The following ADPRHL1 variants were observed in gnomAD, a reference collection of about 807,000 sequenced individuals.
ADPRHL1 encodes inactive ADP-ribosyltransferase ARH2.
Under a neutral mutation model 44.1 loss-of-function variants are expected in ADPRHL1, and 43 were observed. The observed-to-expected ratio is 0.98, with a 90% CI of 0.76 to 1.26. The LOEUF is 1.26. ADPRHL1 is among the 50% of genes most tolerant of loss of function. The pLI is 0.00. For synonymous variants in ADPRHL1, 878 were observed against 1,017.4 expected (o/e 0.86, Z 2.61); for missense variants, 2,022 against 2,496.9 (o/e 0.81, Z 4.05).
At chr13:113,412,271 A>G (rs192742053) in intron 7 of ADPRHL1, among the ~76,000 whole-genome samples, 27 of 152,200 alleles carry the variant, frequency 1.8e-4, no homozygotes, top group South Asian at 6.2e-4. Flanking sequence ...TCCGCCTCCC[A>G]GGTTCACAGC....
rs551066183 is a variant in ADPRHL1, at chr13:113,453,069, C to T, written c.214+155G>A. Among the ~76,000 whole-genome samples the T allele has an allele frequency of 7.2e-5, 11 of 152,310 alleles. No homozygotes were observed. The highest frequency in any genetic ancestry group is 5.2e-4 in the Admixed American group (8 of 15,292). ...TGCCGCATATCAAATTTGAGGGACA[C>T]TCAGATTAAATTGCCACTTTTAGCA... On this transcript the variant is annotated intron_variant, in intron 1 of 7. Coordinates refer to ENST00000612156, the MANE Select transcript of ADPRHL1 (RefSeq NM_001394807.1). The surrounding 1 kb of genome is among the most constrained non-coding windows in gnomAD (Gnocchi z 5.4).
intron 3 of ADPRHL1, 23 bp from the exon 4 acceptor site, chr13:113,429,115 G>A (rs551989043): frequency 6.7e-5 from 99 of 1,479,400 alleles, no homozygotes; most frequent in South Asian, 6.0e-4. Flanking sequence ...GAAGAGAGAG[G>A]GGGCACCATC....
chr13:113,451,013 T>C (rs374268958), intron 1 of ADPRHL1, among the ~76,000 whole-genome samples: 18 of 150,894 alleles, frequency 1.2e-4, no homozygotes, highest in African/African-American at 3.7e-4. Context: ...CTTTTGCTAC[T>C]GCTGGACCAC....
chr13:113,427,435 G>C (rs183867124), intron 4 of ADPRHL1, among the ~76,000 whole-genome samples: 9 of 152,346 alleles, frequency 5.9e-5, no homozygotes, highest in African/African-American at 2.2e-4. Context: ...CTCCATGTTA[G>C]TCAGGCTGAC....
At chr13:113,413,998 G>A (rs1209849419) in intron 7 of ADPRHL1, among the ~76,000 whole-genome samples, 3 of 152,246 alleles carry the variant, frequency 2.0e-5, no homozygotes, top group Non-Finnish European at 4.4e-5. Context: ...AGCCCCTGTT[G>A]GCAGGTTCTT....
intron 4 of ADPRHL1, among the ~76,000 whole-genome samples, chr13:113,426,035 C>T (rs370169443): frequency 2.6e-5 from 4 of 152,236 alleles, no homozygotes; most frequent in African/African-American, 7.2e-5. Flanking sequence ...AAAGCATTCT[C>T]GTTACATTGT....
Position 113,407,623 on chromosome 13 carries a change from C to G in ADPRHL1, c.1659G>C (p.Glu553Asp). 1 of 1,232,124 alleles carries G rather than the reference C, an allele frequency of 8.1e-7. No individual in the cohort carries two copies. The highest frequency in any genetic ancestry group is 1.0e-6 in the Non-Finnish European group (1 of 988,022). 76.3% of individuals were successfully genotyped at this position (1,232,124 alleles called of 1,614,324 possible). Residue 553 changes from glutamate (E) to aspartate (D), a missense_variant, in exon 8 of 8, where the codon GAG (glutamate) becomes GAC (aspartate). Coordinates refer to ENST00000612156, the MANE Select transcript of ADPRHL1 (RefSeq NM_001394807.1). Reference protein sequence around the residue: ...GKSSVLSKLREKFEQNSCLCS... With the variant: ...GKSSVLSKLRDKFEQNSCLCS... ...ACAGGCAGCTGTTCTGCTCGAACTT[C>G]TCCCGCAGCTTGGACAGCACCGAGC...
At chr13:113,419,295 T>G (rs1174244428) in intron 7 of ADPRHL1, among the ~76,000 whole-genome samples, 1 of 141,826 alleles carries the variant, frequency 7.1e-6, no homozygotes, top group Non-Finnish European at 1.5e-5. Flanking sequence ...TTTTTTTTTT[T>G]TTGTAGAGAT....
At chr13:113,446,435 G>A (rs942552396) in intron 1 of ADPRHL1, among the ~76,000 whole-genome samples, 7 of 152,330 alleles carry the variant, frequency 4.6e-5, no homozygotes, top group African/African-American at 1.7e-4. Flanking sequence ...GCCCAGCAGA[G>A]GCCTCTGAAG....
intron 7 of ADPRHL1, among the ~76,000 whole-genome samples, chr13:113,421,026 C>T (rs1346014063): frequency 1.4e-5 from 2 of 141,424 alleles, no homozygotes; most frequent in Admixed American, 1.4e-4. Flanking sequence ...TGGGACACCC[C>T]TACCCCCCGC....
Position 113,407,511 on chromosome 13 carries a change from G to C in ADPRHL1, c.1771C>G (p.Arg591Gly). Residue 591 changes from arginine (R) to glycine (G), a missense_variant, in exon 8 of 8, where the codon CGC (arginine) becomes GGC (glycine). This residue lies in a region of ADPRHL1 where 1,221 missense variants were observed against 1,517.8 expected (regional missense o/e 0.80). Coordinates refer to ENST00000612156, the MANE Select transcript of ADPRHL1 (RefSeq NM_001394807.1). ...GCCATGGTGGCCGTGTGCAGCACGCGCACCTCCGGCCGGTGCATCCTCTTC... is the reference window on the plus strand; with the variant it reads ...GCCATGGTGGCCGTGTGCAGCACGCCCACCTCCGGCCGGTGCATCCTCTTC... ...QRKRMHRPEV[R>G]VLHTATMAST... 1 of 1,232,164 alleles carries C rather than the reference G, an allele frequency of 8.1e-7. No homozygotes were observed. The highest frequency in any genetic ancestry group is 1.0e-6 in the Non-Finnish European group (1 of 988,090). 76.3% of individuals were successfully genotyped at this position (1,232,164 alleles called of 1,614,324 possible).
chr13:113,428,841 C>T, intron 4 of ADPRHL1, 111 bp downstream of exon 4: 3 of 1,516,208 alleles, frequency 2.0e-6, no homozygotes, highest in Non-Finnish European at 1.8e-6. Context: ...ACAGGGCCCT[C>T]CCAGTTCCAT....
Position 113,440,748 on chromosome 13 carries a change from C to G in ADPRHL1, c.379+3677G>C, listed in dbSNP as rs186658452. On this transcript the variant is annotated intron_variant, in intron 2 of 7. Coordinates refer to ENST00000612156, the MANE Select transcript of ADPRHL1 (RefSeq NM_001394807.1). The stretch of plus-strand genomic sequence containing the variant: ...GGGATCACAGGTGTGAGCCACTGCA[C>G]CTGGTCTATTTTTCTTTTTTAGAAG... Among the ~76,000 whole-genome samples the G allele has an allele frequency of 2.2e-3, 335 of 152,228 alleles. 1 individual carries two copies. Among genetic ancestry groups the G allele is most frequent in the Non-Finnish European group, 3.3e-3 (227 of 68,002 alleles).
intron 2 of ADPRHL1, among the ~76,000 whole-genome samples, chr13:113,437,429 A>T (rs1380533704): frequency 6.6e-6 from 1 of 152,142 alleles, no homozygotes. Context: ...TGCAGAGTGA[A>T]TGCCTCTGTT....
chr13:113,415,884 T>A (rs574603703), intron 7 of ADPRHL1, among the ~76,000 whole-genome samples: 21 of 152,180 alleles, frequency 1.4e-4, no homozygotes, highest in African/African-American at 4.6e-4. Flanking sequence ...AAATCTATAC[T>A]TGATCTTAGC....
rs2139591164 is a variant in ADPRHL1 at position 113,404,438 on chromosome 13, T to C, written c.4844A>G (p.Gln1615Arg). The C allele has an allele frequency of 1.5e-6, 2 of 1,320,740 alleles. No individual in the cohort carries two copies. Among genetic ancestry groups the C allele is most frequent in the Non-Finnish European group, 1.9e-6 (2 of 1,042,782 alleles). The allele number at this position is 1,320,740 out of a possible 1,614,324, so 81.8% of individuals were successfully genotyped here. The change falls in exon 8 of 8, where the codon CAG (glutamine) becomes CGG (arginine). Residue 1615 changes from glutamine (Q) to arginine (R), a missense_variant. Physicochemically the swap from Gln to Arg is conservative, Grantham distance 43. Transcript: ENST00000612156. ...QKWAQEEAQG[Q>R]AQWQTQIKAQ... ...CTTTATCTGGGTCTGCCACTGGGCC[T>C]GTCCCTGAGCCTCTTCCTGGGCCCA... is the stretch of plus-strand genomic sequence containing the variant.
rs1326516125 is a variant in ADPRHL1 at position 113,424,365 on chromosome 13, T to TG, written c.775-17dup. On this transcript the variant is annotated splice_polypyrimidine_tract_variant and intron_variant, in intron 5 of 7. Coordinates refer to ENST00000612156, the MANE Select transcript of ADPRHL1 (RefSeq NM_001394807.1). ...TCCTGTAGGTCTGACAAGAGAGCCGTGGGTCGGGGCGTGTGCCCAAGTGGA... is the reference window on the plus strand; with the variant it reads ...TCCTGTAGGTCTGACAAGAGAGCCGTGGGGTCGGGGCGTGTGCCCAAGTGGA... 1 of 1,612,532 alleles carries TG rather than the reference T, an allele frequency of 6.2e-7. No individual in the cohort carries two copies.
chr13:113,418,776 G>A (rs2043898989), intron 7 of ADPRHL1, among the ~76,000 whole-genome samples: 1 of 152,038 alleles, frequency 6.6e-6, no homozygotes, highest in African/African-American at 2.4e-5. Flanking sequence ...GGCATATTCT[G>A]GACCCCACCT....
At chr13:113,408,848 A>AGGGGAGTAG in intron 7 of ADPRHL1, among the ~76,000 whole-genome samples, 1 of 117,490 alleles carries the variant, frequency 8.5e-6, no homozygotes, top group African/African-American at 3.5e-5. Context: ...GCAGGGGAGG[A>AGGGGAGTAG]GGGGGCTGCA....
Sources: allele counts gnomAD v4.1 joint callset (sites outside exome capture counted in the v4.1 genomes callset), GRCh38; gene constraint gnomAD v4.1.1; regional missense constraint gnomAD v4.1.1; non-coding constraint Gnocchi (gnomAD v3.1); transcripts MANE v1.5; gene names NCBI Gene and HGNC (gene_info 2026-07-23, HGNC 2026-07-21).